Variants in DRC11 observed in about 807,000 individuals in gnomAD.
DRC11 encodes IQ and AAA domain-containing protein 1.
the DRC11 span, among the ~76,000 whole-genome samples, chr2:236,334,545 A>C: frequency 1.3e-5 from 2 of 152,290 alleles, no homozygotes; most frequent in Middle Eastern, 6.8e-3. The surrounding 1 kb of genome is among the most constrained non-coding windows in gnomAD (Gnocchi z 7.8). Context: ...TTTTGGAGGC[A>C]AAAGGCTCCT....
chr2:236,433,478 C>T, the DRC11 span, among the ~76,000 whole-genome samples: 1 of 152,112 alleles, frequency 6.6e-6, no homozygotes, highest in Non-Finnish European at 1.5e-5. Flanking sequence ...TAAGCTTATT[C>T]CTGGGCATTT....
chr2:236,359,342 C>A, the DRC11 span, among the ~76,000 whole-genome samples: 1 of 152,078 alleles, frequency 6.6e-6, no homozygotes, highest in Admixed American at 6.6e-5. This position sits in a 1 kb window ranked among gnomAD's most constrained non-coding sequence, Gnocchi z 4.3. Context: ...AAAATAAATC[C>A]TCCAAACACA....
At chr2:236,501,025 G>A in the DRC11 span, among the ~76,000 whole-genome samples, 1 of 152,144 alleles carries the variant, frequency 6.6e-6, no homozygotes, top group Non-Finnish European at 1.5e-5. Flanking sequence ...AAGAAAAGAG[G>A]TTTAATTGGC....
At chr2:236,416,723 A>T in the DRC11 span, among the ~76,000 whole-genome samples, 3,080 of 9,978 alleles carry the variant, frequency 0.31, 123 homozygotes, top group South Asian at 0.35. Context: ...ATATATATTT[A>T]TATATATATA....
chr2:236,477,120 T>A, the DRC11 span, among the ~76,000 whole-genome samples: 1 of 152,014 alleles, frequency 6.6e-6, no homozygotes, highest in Non-Finnish European at 1.5e-5. Context: ...ATAGAATGAG[T>A]TTGAAAGTAC....
the DRC11 span, among the ~76,000 whole-genome samples, chr2:236,471,454 G>T: frequency 6.6e-6 from 1 of 152,112 alleles, no homozygotes; most frequent in Non-Finnish European, 1.5e-5. The surrounding 1 kb of genome is among the most constrained non-coding windows in gnomAD (Gnocchi z 4.6). Flanking sequence ...ACACTGTAAC[G>T]TTAACTTTTT....
the DRC11 span, among the ~76,000 whole-genome samples, chr2:236,366,657 G>A: frequency 3.3e-5 from 5 of 151,802 alleles, no homozygotes; most frequent in African/African-American, 1.2e-4. Flanking sequence ...AGCCAGCTTG[G>A]AAACCACAGA....
the DRC11 span, among the ~76,000 whole-genome samples, chr2:236,389,668 C>T: frequency 2.0e-5 from 3 of 152,222 alleles, no homozygotes; most frequent in African/African-American, 4.8e-5. Context: ...TGTTCCTATT[C>T]GGCCATCTTG....
the DRC11 span, among the ~76,000 whole-genome samples, chr2:236,407,206 A>G: frequency 6.6e-6 from 1 of 152,264 alleles, no homozygotes; most frequent in Non-Finnish European, 1.5e-5. Context: ...GAGAATCTAC[A>G]GTGGGAAGTC....
chr2:236,373,993 A>G, the DRC11 span, among the ~76,000 whole-genome samples: 59 of 152,264 alleles, frequency 3.9e-4, no homozygotes, highest in African/African-American at 1.3e-3. Context: ...GCTCCTTCAC[A>G]CTTTCTTATT....
At chr2:236,391,896 A>G in the DRC11 span, 2 of 1,224,660 alleles carry the variant, frequency 1.6e-6, no homozygotes, top group Middle Eastern at 2.2e-4. The surrounding 1 kb of genome is among the most constrained non-coding windows in gnomAD (Gnocchi z 4.5). Flanking sequence ...CCTCCTGGAC[A>G]TGCCACAGCA....
chr2:236,498,515 GCTCT>G, the DRC11 span, among the ~76,000 whole-genome samples: 1 of 151,580 alleles, frequency 6.6e-6, no homozygotes, highest in Non-Finnish European at 1.5e-5. Flanking sequence ...GGGAGGCTGA[GCTCT>G]CTGGAATGCA....
the DRC11 span, among the ~76,000 whole-genome samples, chr2:236,334,929 G>A: frequency 1.7e-4 from 26 of 152,240 alleles, no homozygotes; most frequent in African/African-American, 6.0e-4. This position sits in a 1 kb window ranked among gnomAD's most constrained non-coding sequence, Gnocchi z 7.8. Context: ...ACGGAAGCCC[G>A]AAGGGATTTC....
At chr2:236,448,851 T>C in the DRC11 span, among the ~76,000 whole-genome samples, 17 of 152,038 alleles carry the variant, frequency 1.1e-4, no homozygotes, top group African/African-American at 4.1e-4. This position sits in a 1 kb window ranked among gnomAD's most constrained non-coding sequence, Gnocchi z 5.3. Context: ...GAGGGCGCTG[T>C]TAGTTTTTTA....
the DRC11 span, chr2:236,507,160 A>G: frequency 2.3e-6 from 3 of 1,281,462 alleles, no homozygotes; most frequent in Admixed American, 2.0e-5. Context: ...GGGAGGAGAA[A>G]AGAAAAGAAA....
the DRC11 span, among the ~76,000 whole-genome samples, chr2:236,464,042 T>G: frequency 1.3e-5 from 2 of 152,224 alleles, no homozygotes; most frequent in African/African-American, 4.8e-5. Flanking sequence ...ACTGGGCAGC[T>G]GACACAATGG....
At chr2:236,480,899 T>C in the DRC11 span, among the ~76,000 whole-genome samples, 1 of 152,264 alleles carries the variant, frequency 6.6e-6, no homozygotes, top group East Asian at 1.9e-4. Context: ...ACAATTTACC[T>C]GTTGAATTTC....
the DRC11 span, among the ~76,000 whole-genome samples, chr2:236,480,111 C>T: frequency 6.6e-6 from 1 of 150,952 alleles, no homozygotes; most frequent in Admixed American, 6.6e-5. Context: ...AAGTCTGTTA[C>T]CAAACTGGAG....
the DRC11 span, among the ~76,000 whole-genome samples, chr2:236,320,107 G>A: frequency 1.3e-5 from 2 of 152,232 alleles, no homozygotes; most frequent in African/African-American, 4.8e-5. Flanking sequence ...TTTGAGTGCA[G>A]CAGAATTGTT....
Sources: gnomAD v4.1 joint callset for allele counts (sites outside exome capture counted in the v4.1 genomes callset) on GRCh38, gnomAD v4.1.1 for gene constraint, Gnocchi (gnomAD v3.1) non-coding constraint, MANE v1.5 for transcripts, NCBI Gene and HGNC (gene_info 2026-07-23, HGNC 2026-07-21) for gene names.